Variants in GLB1 observed in about 807,000 individuals in gnomAD.
GLB1 encodes galactosidase beta 1.
In GLB1, 56 loss-of-function variants were observed where a neutral mutation model predicts 74.0. That is an observed-to-expected ratio of 0.76 (90% CI 0.61 to 0.94). The LOEUF (loss-of-function observed/expected upper bound fraction) is 0.94. Among genes scored for constraint, GLB1 ranks in the 40% least tolerant of loss-of-function variants. GLB1 has a pLI of 0.00. For missense variants in GLB1, 787 were observed against 845.5 expected (o/e 0.93, Z 0.86); for synonymous variants, 323 against 323.6 (o/e 1.00, Z 0.02).
rs372939823 is a variant in GLB1, at chr3:33,057,105, C to T, written c.733+984G>A. Among the ~76,000 whole-genome samples, 17 of 152,344 alleles carry T rather than the reference C, an allele frequency of 1.1e-4. No homozygotes were observed. In the South Asian group the frequency reaches 3.5e-3, roughly 32 times the overall value. On this transcript the variant is annotated intron_variant, in intron 6 of 15. Coordinates refer to ENST00000307363, the MANE Select transcript of GLB1 (RefSeq NM_000404.4). ...AAAGTGCTTGTGAATGGGTTAGCAC[C>T]ATCCCCTCAGTGCTATTCTCCTGAT...
At chr3:33,061,400 AAAACAAAC>A (rs545287219) in intron 5 of GLB1, among the ~76,000 whole-genome samples, 194 of 152,172 alleles carry the variant, frequency 1.3e-3, no homozygotes, top group African/African-American at 3.5e-3. Context: ...GGTGACAGAG[AAAACAAAC>A]AAACAAACAA....
chr3:33,082,489 C>T (rs936725319), intron 1 of GLB1, among the ~76,000 whole-genome samples: 2 of 152,178 alleles, frequency 1.3e-5, no homozygotes, highest in Admixed American at 6.5e-5. Context: ...TCATTTCCAT[C>T]ATGTTCATTC....
rs145409666 is a variant in GLB1, at chr3:33,027,437, G to A, written c.1069-3112C>T. Among the ~76,000 whole-genome samples the A allele has an allele frequency of 5.2e-3, 798 of 152,370 alleles. 6 individuals are homozygous for A. Among genetic ancestry groups the A allele is most frequent in the African/African-American group, 0.016 (682 of 41,592 alleles). ...GCCTGCCAGGCCGAGTGGGCAGAAC[G>A]AACCCAGTGGGCCCGAGCAAAACTC... On this transcript the variant is annotated intron_variant, in intron 10 of 15. Coordinates refer to ENST00000307363, the MANE Select transcript of GLB1 (RefSeq NM_000404.4).
At chr3:33,039,438 A>T (rs1049565837) in intron 10 of GLB1, among the ~76,000 whole-genome samples, 1 of 152,208 alleles carries the variant, frequency 6.6e-6, no homozygotes, top group Non-Finnish European at 1.5e-5. Flanking sequence ...ACTGGAAACA[A>T]TTTTTAAAAT....
intron 1 of GLB1, among the ~76,000 whole-genome samples, chr3:33,086,017 G>A (rs1318353077): frequency 1.3e-5 from 2 of 151,864 alleles, no homozygotes; most frequent in Non-Finnish European, 2.9e-5. Context: ...AATTGAGAGT[G>A]CAGTGAGTTA....
chr3:33,053,655 A>G, intron 6 of GLB1, 106 bp from the exon 7 acceptor site: 1 of 1,447,928 alleles, frequency 6.9e-7, no homozygotes. Flanking sequence ...CTACGGTCAG[A>G]ATGTTAGTAT....
chr3:32,981,638 A>C, the GLB1 span, among the ~76,000 whole-genome samples: 2 of 151,456 alleles, frequency 1.3e-5, no homozygotes, highest in African/African-American at 4.8e-5. Flanking sequence ...GCCAGGCGTC[A>C]TGGCGCATGT....
intron 1 of GLB1, among the ~76,000 whole-genome samples, chr3:33,089,209 G>A (rs4678660): frequency 0.98 from 149,399 of 152,346 alleles, 73,333 homozygotes; most frequent in Middle Eastern, 1. Context: ...AAAAAGCTAC[G>A]TGATATTGAA....
chr3:33,069,590 G>C (rs1390252831), intron 2 of GLB1, among the ~76,000 whole-genome samples: 1 of 152,128 alleles, frequency 6.6e-6, no homozygotes, highest in Non-Finnish European at 1.5e-5. Context: ...TTAATTTGTA[G>C]ATTATTGCCT....
rs1422969667 is a variant in GLB1 at position 33,051,868 on chromosome 3, G to A, written c.914+15C>T. ...GCTACTGAGGGCACCCTCCCCTCAG[G>A]CAATGAACACTCACAAGTTCACACT... On this transcript the variant is annotated intron_variant, in intron 8 of 15. Coordinates refer to ENST00000307363, the MANE Select transcript of GLB1 (RefSeq NM_000404.4). 1.2e-6 allele frequency: 2 copies of A among 1,614,068 alleles called. No individual in the cohort carries two copies. Among genetic ancestry groups the A allele is most frequent in the African/African-American group, 2.7e-5 (2 of 74,926 alleles).
intron 1 of GLB1, chr3:33,092,061 C>T (rs968524349): frequency 2.7e-5 from 27 of 985,304 alleles, no homozygotes; most frequent in Non-Finnish European, 3.0e-5. Flanking sequence ...GTGAGCTCCC[C>T]GAAGGGTTGT....
chr3:33,072,429 C>A (rs2125553480), intron 2 of GLB1, 115 bp downstream of exon 2: 2 of 1,515,772 alleles, frequency 1.3e-6, no homozygotes, highest in East Asian at 2.4e-5. Flanking sequence ...GAACATCACA[C>A]TGGACCATTT....
At position 33,018,010 on chromosome 3, in the gene GLB1, G is replaced by A. The variant is rs570312462; in HGVS notation, c.1347+438C>T. Among the ~76,000 whole-genome samples the A allele has an allele frequency of 5.3e-5, 8 of 152,188 alleles. No individual in the cohort carries two copies. In the East Asian group the frequency reaches 7.8e-4, roughly 15 times the overall value. On this transcript the variant is annotated intron_variant, in intron 13 of 15. Transcript: ENST00000307363. Reference sequence around the variant, plus strand: ...ACCAAGAAGAGGGGTGGAGCCCACCGTGGTGGGTCATGCCTGTAATCCCAG... The same window carrying A: ...ACCAAGAAGAGGGGTGGAGCCCACCATGGTGGGTCATGCCTGTAATCCCAG...
intron 4 of GLB1, 105 bp from the exon 5 acceptor site, chr3:33,065,662 T>A: frequency 7.3e-7 from 1 of 1,374,088 alleles, no homozygotes; most frequent in East Asian, 2.5e-5. Flanking sequence ...TTCGTAAACT[T>A]TTTAAAAACA....
the GLB1 span, among the ~76,000 whole-genome samples, chr3:32,972,893 C>T: frequency 6.6e-6 from 1 of 152,220 alleles, no homozygotes; most frequent in Non-Finnish European, 1.5e-5. Flanking sequence ...CTTATCTCTC[C>T]TCCCTTACCA....
At chr3:32,970,479 G>T in the GLB1 span, among the ~76,000 whole-genome samples, 4 of 152,156 alleles carry the variant, frequency 2.6e-5, no homozygotes, top group South Asian at 8.3e-4. Flanking sequence ...TGCAAAAGAT[G>T]CATGGCTAGG....
chr3:33,025,495 A>G lies in GLB1; in HGVS notation c.1069-1170T>C, dbSNP rs142511173. 7.2e-5 allele frequency among the ~76,000 whole-genome samples: 11 copies of G among 151,990 alleles called. No individual in the cohort carries two copies. In the East Asian group the frequency reaches 2.1e-3, roughly 29 times the overall value. On this transcript the variant is annotated intron_variant, in intron 10 of 15. Coordinates refer to ENST00000307363, the MANE Select transcript of GLB1 (RefSeq NM_000404.4). Reference sequence around the variant, plus strand: ...TACTGTGAGTTCTCAAGATCCTTCTATTTCTTTCTTTCCTTCTTTTTTTTT... The same window carrying G: ...TACTGTGAGTTCTCAAGATCCTTCTGTTTCTTTCTTTCCTTCTTTTTTTTT...
chr3:32,978,343 T>C, the GLB1 span, among the ~76,000 whole-genome samples: 1 of 151,486 alleles, frequency 6.6e-6, no homozygotes, highest in Non-Finnish European at 1.5e-5. Flanking sequence ...CGAAGAACAA[T>C]CCATCCTCAC....
intron 6 of GLB1, among the ~76,000 whole-genome samples, chr3:33,054,935 A>T (rs1042772185): frequency 1.3e-5 from 2 of 152,228 alleles, no homozygotes; most frequent in Admixed American, 6.5e-5. Flanking sequence ...CAGGTATCCC[A>T]GGGTGGACGT....
Sources: gnomAD v4.1 joint callset for allele counts (sites outside exome capture counted in the v4.1 genomes callset) on GRCh38, gnomAD v4.1.1 for gene constraint, MANE v1.5 for transcripts, NCBI Gene and HGNC (gene_info 2026-07-23, HGNC 2026-07-21) for gene names.